Variants in LRP12 observed in about 807,000 individuals in gnomAD.
LRP12 encodes low-density lipoprotein receptor-related protein 12.
In LRP12, 14 loss-of-function variants were observed where a neutral mutation model predicts 66.0. That is an observed-to-expected ratio of 0.21 (90% CI 0.14 to 0.33). The LOEUF (loss-of-function observed/expected upper bound fraction) is 0.33. Among genes scored for constraint, LRP12 ranks in the 10% least tolerant of loss-of-function variants. LRP12 has a pLI of 1.00. For missense variants in LRP12, 889 were observed against 1,053.4 expected, an observed-to-expected ratio of 0.84 and a Z score of 2.16; for synonymous variants, 357 against 359.1, an observed-to-expected ratio of 0.99 and a Z score of 0.07.
rs1288621697 is a variant in LRP12 at position 104,497,787 on chromosome 8, A to T, written c.765T>A (p.Asp255Glu). ...TTAGCCATTGCCCACATGTTGGCAC[A>T]TCACAGTCTATCTCATCTCCTAGGT... is the stretch of plus-strand genomic sequence containing the variant. ...CLDLGDEIDC[D>E]VPTCGQWLKY... The change falls in exon 5 of 7, where the codon GAT becomes GAA. Residue 255 changes from aspartate (D) to glutamate (E), a missense_variant. By Grantham distance (45) the Asp-to-Glu change is conservative. Transcript: ENST00000276654. This position sits in a 1 kb window ranked among gnomAD's most constrained non-coding sequence, Gnocchi z 4.3. The T allele has an allele frequency of 1.2e-6, 2 of 1,614,054 alleles. No homozygotes were observed. The highest frequency in any genetic ancestry group is 1.7e-5 in the Admixed American group (1 of 60,006).
chr8:104,520,916 G>A (rs947637658), intron 2 of LRP12, among the ~76,000 whole-genome samples: 4 of 151,932 alleles, frequency 2.6e-5, no homozygotes, highest in Non-Finnish European at 5.9e-5. Context: ...GCCTTTTTAC[G>A]TTCACTAGGT....
At chr8:104,559,819 A>T (rs552873506) in intron 1 of LRP12, among the ~76,000 whole-genome samples, 1 of 152,276 alleles carries the variant, frequency 6.6e-6, no homozygotes, top group Non-Finnish European at 1.5e-5. Context: ...CATTGTAAAT[A>T]TGTCTAGCTA....
intron 1 of LRP12, among the ~76,000 whole-genome samples, chr8:104,576,656 C>A (rs1422710256): frequency 6.6e-6 from 1 of 152,152 alleles, no homozygotes; most frequent in Non-Finnish European, 1.5e-5. Flanking sequence ...TACAAAAGCA[C>A]ACTGAAGTAT....
intron 1 of LRP12, among the ~76,000 whole-genome samples, chr8:104,562,077 T>G (rs1304868546): frequency 6.6e-6 from 1 of 152,188 alleles, no homozygotes; most frequent in Non-Finnish European, 1.5e-5. Flanking sequence ...TAGTATAATC[T>G]TTCTGGAAAA....
chr8:104,571,192 G>C (rs916337561), intron 1 of LRP12, among the ~76,000 whole-genome samples: 3 of 152,036 alleles, frequency 2.0e-5, no homozygotes, highest in African/African-American at 7.2e-5. Context: ...GTGTAACTTA[G>C]GACCCAGCAA....
chr8:104,560,163 T>C (rs1811882200), intron 1 of LRP12, among the ~76,000 whole-genome samples: 2 of 152,160 alleles, frequency 1.3e-5, no homozygotes, highest in African/African-American at 4.8e-5. Context: ...AACAAACGTA[T>C]CCTTTAATTT....
chr8:104,588,970 A>ACGTCGC lies in LRP12; in HGVS notation c.-74_-73insGCGACG. On this transcript the variant is annotated 5_prime_UTR_variant, in exon 1 of 7. Coordinates refer to ENST00000276654, the MANE Select transcript of LRP12 (RefSeq NM_013437.5). The stretch of plus-strand genomic sequence containing the variant: ...GAGAAGCTGGAGGTAGACGACGCCG[A>ACGTCGC]CGCCGCCGCCGCCGCCGCCGCCGCC... 1.7e-6 allele frequency: 1 copy of ACGTCGC among 600,566 alleles called. No homozygotes were observed. The highest frequency in any genetic ancestry group is 2.4e-5 in the South Asian group (1 of 41,948). The allele number at this position is 600,566 out of a possible 1,614,324, so 37.2% of individuals were successfully genotyped here. A position where few individuals can be genotyped will look rare whatever the true frequency, so the allele number is the denominator to read the frequency against.
intron 2 of LRP12, among the ~76,000 whole-genome samples, chr8:104,521,881 G>T (rs1413866043): frequency 6.6e-6 from 1 of 151,806 alleles, no homozygotes; most frequent in Non-Finnish European, 1.5e-5. Flanking sequence ...GTACCTAATT[G>T]AATAATTGTA....
At chr8:104,582,541 C>A (rs1251067674) in intron 1 of LRP12, among the ~76,000 whole-genome samples, 2 of 152,134 alleles carry the variant, frequency 1.3e-5, no homozygotes, top group African/African-American at 4.8e-5. Context: ...TATTGGAAAT[C>A]CAGCTTTTGC....
Position 104,491,390 on chromosome 8 carries a change from G to A in LRP12, c.1863C>T (p.Val621=), listed in dbSNP as rs1047225242. ...RSRHSGSLAL[V]SADGDEVVPS... ...GGACAACCTCATCTCCATCTGCTGA[G>A]ACCAAAGCCAATGACCCAGAATGAC... Residue 621 remains valine (V), a synonymous_variant, in exon 7 of 7, where the codon GTC becomes GTT. Transcript: ENST00000276654. 6.2e-7 allele frequency: 1 copy of A among 1,614,034 alleles called. No homozygotes were observed. The highest frequency in any genetic ancestry group is 8.5e-7 in the Non-Finnish European group (1 of 1,180,006).
chr8:104,547,493 GTTATA>G (rs1160831806), intron 1 of LRP12, among the ~76,000 whole-genome samples: 42 of 126,922 alleles, frequency 3.3e-4, no homozygotes, highest in South Asian at 1.5e-3. Flanking sequence ...ATATAATTCT[GTTATA>G]TTATATTTTG....
intron 2 of LRP12, among the ~76,000 whole-genome samples, chr8:104,531,414 C>A (rs1811323037): frequency 6.6e-6 from 1 of 151,998 alleles, no homozygotes; most frequent in African/African-American, 2.4e-5. Context: ...ACATTAACCA[C>A]AATGATGAAT....
intron 1 of LRP12, among the ~76,000 whole-genome samples, chr8:104,558,572 A>G (rs1324879150): frequency 6.6e-6 from 1 of 152,208 alleles, no homozygotes; most frequent in Non-Finnish European, 1.5e-5. Flanking sequence ...AAAGAACCCA[A>G]AAGCAAATGC....
At chr8:104,568,424 G>A (rs530716463) in intron 1 of LRP12, among the ~76,000 whole-genome samples, 2 of 152,166 alleles carry the variant, frequency 1.3e-5, no homozygotes, top group African/African-American at 4.8e-5. Context: ...TAGGTAAACT[G>A]GACTGTCTCA....
chr8:104,586,903 G>A lies in LRP12; in HGVS notation c.79+1916C>T, dbSNP rs540952031. Among the ~76,000 whole-genome samples, 4 of 152,116 alleles carry A rather than the reference G, an allele frequency of 2.6e-5. No individual in the cohort carries two copies. In the South Asian group the frequency reaches 8.3e-4, roughly 32 times the overall value. On this transcript the variant is annotated intron_variant, in intron 1 of 6. Coordinates refer to ENST00000276654, the MANE Select transcript of LRP12 (RefSeq NM_013437.5). ...CAACCTTTGGCATAATCACCTGCTG[G>A]TTTTATAATCTGCGGCCCACACTGT...
At chr8:104,544,741 G>C (rs1273798321) in intron 1 of LRP12, among the ~76,000 whole-genome samples, 1 of 152,086 alleles carries the variant, frequency 6.6e-6, no homozygotes, top group Non-Finnish European at 1.5e-5. Context: ...CAGAAAAAAA[G>C]ATTCCTTTCA....
At chr8:104,496,397 A>G (rs570988884) in intron 5 of LRP12, among the ~76,000 whole-genome samples, 1 of 152,226 alleles carries the variant, frequency 6.6e-6, no homozygotes, top group East Asian at 1.9e-4. Flanking sequence ...TCCCCTATCT[A>G]TATTCTTCTA....
chr8:104,567,005 T>TAA (rs11330469), intron 1 of LRP12, among the ~76,000 whole-genome samples: 2,866 of 147,320 alleles, frequency 0.019, 63 homozygotes, highest in African/African-American at 0.049. Flanking sequence ...TCATTTTATT[T>TAA]AAAAAAAAAA....
intron 2 of LRP12, among the ~76,000 whole-genome samples, chr8:104,512,493 T>C (rs1346983517): frequency 6.6e-6 from 1 of 152,236 alleles, no homozygotes; most frequent in East Asian, 1.9e-4. Context: ...AATACAATTT[T>C]GAGTTAAATT....
Sources: allele counts gnomAD v4.1 joint callset (sites outside exome capture counted in the v4.1 genomes callset), GRCh38; gene constraint gnomAD v4.1.1; non-coding constraint Gnocchi (gnomAD v3.1); transcripts MANE v1.5; gene names NCBI Gene and HGNC (gene_info 2026-07-23, HGNC 2026-07-21).